The following HLA-DRB5 variants were observed in gnomAD, a reference collection of about 807,000 sequenced individuals.
HLA-DRB5 encodes the protein major histocompatibility complex, class II, DR beta 5, also known as DR beta-5.
In HLA-DRB5, 11 loss-of-function variants were observed where a neutral mutation model predicts 22.4. The observed-to-expected ratio is 0.49, with a 90% CI of 0.31 to 0.81. HLA-DRB5 has a LOEUF of 0.81. Ranked by LOEUF, HLA-DRB5 falls within the 40% of genes least tolerant of loss-of-function variation. The probability of loss-of-function intolerance (pLI) is 0.05; values close to 1 mark genes in which losing one functional copy is unlikely to be tolerated. For missense variants in HLA-DRB5, 106 were observed against 274.4 expected (o/e 0.39, Z 4.34); for synonymous variants, 57 against 106.0 (o/e 0.54, Z 2.84).
In HLA-DRB5 at chr6:32,527,837, C is replaced by T. The variant is rs1446789906; in HGVS notation, c.100+2288G>A. Among the ~76,000 whole-genome samples the T allele has an allele frequency of 5.1e-5, 2 of 39,208 alleles. 1 individual carries two copies. Among genetic ancestry groups the T allele is most frequent in the Non-Finnish European group, 1.1e-4 (2 of 19,024 alleles). 25.7% of individuals were successfully genotyped at this position (39,208 alleles called of 152,430 possible). A position where few individuals can be genotyped will look rare whatever the true frequency, so the allele number is the denominator to read the frequency against. ...GAGGTTGCAGTGAGCTGAGACCATG[C>T]CATTGCACTCCAGCCTGGGCAACAA... On this transcript the variant is annotated intron_variant, in intron 1 of 5. Transcript: ENST00000374975.
At chr6:32,528,550 G>T (rs114849150) in intron 1 of HLA-DRB5, among the ~76,000 whole-genome samples, 1 of 41,568 alleles carries the variant, frequency 2.4e-5, no homozygotes, top group African/African-American at 9.2e-5. Context: ...TTCTCCTCCC[G>T]GTGAGAAATA....
intron 1 of HLA-DRB5, among the ~76,000 whole-genome samples, chr6:32,522,943 G>C (rs921077311): frequency 0.038 from 3,213 of 83,572 alleles, 59 homozygotes; most frequent in Middle Eastern, 0.14. Context: ...GAAATACCAT[G>C]CACAAAAGCT....
Position 32,518,082 on chromosome 6 carries a change from GA to G in HLA-DRB5, c.764-6del. On this transcript the variant is annotated splice_region_variant and splice_polypyrimidine_tract_variant and intron_variant, in intron 4 of 5. Coordinates refer to ENST00000374975, the MANE Select transcript of HLA-DRB5 (RefSeq NM_002125.4). ...TTGGGTGAAGTCCAGAGTGCCCTGGGAAAAAGAGGAAAAGATATACACTTAA... is the reference window on the plus strand; with the variant it reads ...TTGGGTGAAGTCCAGAGTGCCCTGGGAAAAGAGGAAAAGATATACACTTAA... 4.4e-6 allele frequency: 2 copies of G among 449,658 alleles called. No homozygotes were observed. Among genetic ancestry groups the G allele is most frequent in the Non-Finnish European group, 6.1e-6 (2 of 326,308 alleles). 27.9% of individuals were successfully genotyped at this position (449,658 alleles called of 1,614,324 possible).
chr6:32,520,121 A>C (rs566160627), intron 2 of HLA-DRB5, among the ~76,000 whole-genome samples: 7 of 48,060 alleles, frequency 1.5e-4, no homozygotes, highest in African/African-American at 3.1e-4. Context: ...TAAAACAATG[A>C]CTGAAGATAG....
intron 1 of HLA-DRB5, among the ~76,000 whole-genome samples, chr6:32,524,343 C>A (rs151305530): frequency 0.018 from 2,141 of 119,754 alleles, 65 homozygotes; most frequent in East Asian, 0.029. Context: ...ATTTCTCTGC[C>A]ACTTGTCCAC....
chr6:32,528,258 A>G (rs1173453321), intron 1 of HLA-DRB5, among the ~76,000 whole-genome samples: 3 of 125,788 alleles, frequency 2.4e-5, no homozygotes, highest in Admixed American at 8.2e-5. Flanking sequence ...TCTTCAGTGC[A>G]CTATGACTCT....
At chr6:32,528,962 C>A in intron 1 of HLA-DRB5, among the ~76,000 whole-genome samples, 1 of 145,870 alleles carries the variant, frequency 6.9e-6, no homozygotes, top group Non-Finnish European at 1.5e-5. Context: ...AAAATTATCT[C>A]TTTCAATGGA....
intron 2 of HLA-DRB5, among the ~76,000 whole-genome samples, 160 bp from the exon 3 acceptor site, chr6:32,519,811 G>A (rs113486815): frequency 0.66 from 43,794 of 66,776 alleles, 18,781 homozygotes; most frequent in Middle Eastern, 0.77. Context: ...CTGGAATTTA[G>A]TCTTTATAGT....
rs777911546 is a variant in HLA-DRB5 at position 32,520,940 on chromosome 6, A to AGG, written c.370+964_370+965insCC. 7.6e-3 allele frequency among the ~76,000 whole-genome samples: 281 copies of AGG among 36,836 alleles called. 31 individuals are homozygous for AGG. In the Middle Eastern group the frequency reaches 0.12, roughly 16 times the overall value. 24.2% of individuals were successfully genotyped at this position (36,836 alleles called of 152,430 possible). ...AGAAAAATACTAAGCCCTGGAGATA[A>AGG]CAGAAAATAGATCATTGTCCATTAC... On this transcript the variant is annotated intron_variant, in intron 2 of 5. Coordinates refer to ENST00000374975, the MANE Select transcript of HLA-DRB5 (RefSeq NM_002125.4).
intron 2 of HLA-DRB5, among the ~76,000 whole-genome samples, chr6:32,520,676 A>ATT (rs200089268): frequency 4.9e-5 from 3 of 60,868 alleles, no homozygotes; most frequent in Admixed American, 1.9e-4. Flanking sequence ...CAATAAATAC[A>ATT]TTTTTTTTAA....
rs1348231005 is a variant in HLA-DRB5, at chr6:32,522,500, A to T, written c.101-326T>A. Among the ~76,000 whole-genome samples, 28 of 39,860 alleles carry T rather than the reference A, an allele frequency of 7.0e-4. 1 individual carries two copies. The highest frequency in any genetic ancestry group is 2.5e-3 in the African/African-American group (26 of 10,422). 26.1% of individuals were successfully genotyped at this position (39,860 alleles called of 152,430 possible). A position where few individuals can be genotyped will look rare whatever the true frequency, so the allele number is the denominator to read the frequency against. On this transcript the variant is annotated intron_variant, in intron 1 of 5. Coordinates refer to ENST00000374975, the MANE Select transcript of HLA-DRB5 (RefSeq NM_002125.4). The stretch of plus-strand genomic sequence containing the variant: ...GGAGCCCGCGCCGCCTCCTCCTGGG[A>T]GCCTGCACCCCAAAGACAATCTCTG...
At chr6:32,527,049 G>T (rs143514699) in intron 1 of HLA-DRB5, among the ~76,000 whole-genome samples, 619 of 20,584 alleles carry the variant, frequency 0.03, 52 homozygotes, top group Middle Eastern at 0.071. Flanking sequence ...CATTAACAAG[G>T]TAAGCAAAAT....
chr6:32,519,007 C>A (rs1317768482), intron 3 of HLA-DRB5, among the ~76,000 whole-genome samples: 1 of 113,288 alleles, frequency 8.8e-6, no homozygotes, highest in African/African-American at 3.1e-5. Context: ...TCAGGAAGGC[C>A]CCTACACTTC....
chr6:32,520,616 A>G (rs142326904), intron 2 of HLA-DRB5, among the ~76,000 whole-genome samples: 19,038 of 74,354 alleles, frequency 0.26, 4,998 homozygotes, highest in African/African-American at 0.33. Context: ...TCTGGGACTC[A>G]TTACTTGGGG....
chr6:32,524,605 C>G (rs148991346), intron 1 of HLA-DRB5, among the ~76,000 whole-genome samples: 40,154 of 78,430 alleles, frequency 0.51, 11,958 homozygotes, highest in Middle Eastern at 0.65. Context: ...GAGACCTTCA[C>G]AAAGCTCCGT....
Position 32,530,107 on chromosome 6 carries a change from C to A in HLA-DRB5, c.100+18G>T, listed in dbSNP as rs199711463. ...TTCCCCACCCCATAGTAGCTCAGCA[C>A]CCACAATGTGCACTTACGTCGGGTG... On this transcript the variant is annotated intron_variant, in intron 1 of 5. Transcript: ENST00000374975. 0.046 allele frequency: 59,535 copies of A among 1,285,426 alleles called. 653 individuals are homozygous for A. The highest frequency in any genetic ancestry group is 0.093 in the African/African-American group (4,626 of 49,590). 79.6% of individuals were successfully genotyped at this position (1,285,426 alleles called of 1,614,324 possible). A position where few individuals can be genotyped will look rare whatever the true frequency, so the allele number is the denominator to read the frequency against.
chr6:32,524,484 A>G (rs73726196), intron 1 of HLA-DRB5, among the ~76,000 whole-genome samples: 49,122 of 69,578 alleles, frequency 0.71, 19,823 homozygotes, highest in Middle Eastern at 0.85. Context: ...TTGGCCAGAG[A>G]TAGAACTCTT....
intron 1 of HLA-DRB5, among the ~76,000 whole-genome samples, chr6:32,522,888 C>G (rs185654397): frequency 0.11 from 3,390 of 29,582 alleles, 1,315 homozygotes; most frequent in South Asian, 0.54. Flanking sequence ...AGTGGAGACT[C>G]TGTGTCTGTT....
At chr6:32,518,736 T>A in intron 3 of HLA-DRB5, 70 bp from the exon 4 acceptor site, 1 of 422,444 alleles carries the variant, frequency 2.4e-6, no homozygotes, top group Admixed American at 5.0e-5. Context: ...CCCTGCAATA[T>A]TCATAGCTTT....
Sources: gnomAD v4.1 joint callset for allele counts (sites outside exome capture counted in the v4.1 genomes callset) on GRCh38, gnomAD v4.1.1 for gene constraint, MANE v1.5 for transcripts, NCBI Gene and HGNC (gene_info 2026-07-23, HGNC 2026-07-21) for gene names.